The following DLGAP2 variants were observed in gnomAD, a reference collection of about 807,000 sequenced individuals.
DLGAP2 encodes DLG associated protein 2.
A neutral mutation model predicts 100.3 loss-of-function variants in DLGAP2; 26 were observed. The observed-to-expected ratio is 0.26, with a 90% CI of 0.19 to 0.36. The LOEUF (loss-of-function observed/expected upper bound fraction) is 0.36, where lower values mean the gene tolerates loss of function less well. Ranked by LOEUF, DLGAP2 falls within the 10% of genes least tolerant of loss-of-function variation. DLGAP2 has a pLI of 1.00. For synonymous variants in DLGAP2, 886 were observed against 630.1 expected, an observed-to-expected ratio of 1.41 and a Z score of -6.08; for missense variants, 1,858 against 1,453.2, an observed-to-expected ratio of 1.28 and a Z score of -4.53.
chr8:1,434,319 G>A (rs965761043), intron 3 of DLGAP2, among the ~76,000 whole-genome samples: 8 of 152,174 alleles, frequency 5.3e-5, no homozygotes, highest in Non-Finnish European at 8.8e-5. Flanking sequence ...GCTGACAGGA[G>A]ACACCAGGTG....
chr8:1,299,391 C>T (rs1415745216), intron 3 of DLGAP2, among the ~76,000 whole-genome samples: 7 of 152,206 alleles, frequency 4.6e-5, no homozygotes, highest in Admixed American at 2.6e-4. Flanking sequence ...CATGGCCCTT[C>T]TTTCACATGT....
intron 1 of DLGAP2, among the ~76,000 whole-genome samples, chr8:874,532 A>T (rs1797655075): frequency 6.6e-6 from 1 of 152,150 alleles, no homozygotes; most frequent in South Asian, 2.1e-4. Context: ...TCTGTTGTTG[A>T]TTTCTAATTT....
intron 3 of DLGAP2, among the ~76,000 whole-genome samples, chr8:1,477,023 G>T (rs115476263): frequency 0.016 from 2,355 of 147,208 alleles, 53 homozygotes; most frequent in African/African-American, 0.055. Context: ...GTGAAGACAG[G>T]TTTATTCTCA....
At chr8:1,519,609 T>G (rs895111578) in intron 4 of DLGAP2, among the ~76,000 whole-genome samples, 1 of 152,348 alleles carries the variant, frequency 6.6e-6, no homozygotes, top group African/African-American at 2.4e-5. Flanking sequence ...GCTCTCCCCA[T>G]GCACCTTCCC....
chr8:788,347 G>C (rs1193919976), intron 1 of DLGAP2, among the ~76,000 whole-genome samples: 1 of 152,148 alleles, frequency 6.6e-6, no homozygotes, highest in Non-Finnish European at 1.5e-5. Context: ...CACATGGTCT[G>C]GTCGAGGCCT....
Position 940,667 on chromosome 8 carries a change from C to G in DLGAP2, c.73+32701C>G, listed in dbSNP as rs914161816. ...AGGTTTTCAGGACAGTTTGGAAAAC[C>G]AAAGTTCATTGATGCTCTCCCTCTT... On this transcript the variant is annotated intron_variant, in intron 2 of 14. Transcript: ENST00000637795. Among the ~76,000 whole-genome samples, 5 of 152,124 alleles carry G rather than the reference C, an allele frequency of 3.3e-5. No homozygotes were observed. In the South Asian group the frequency reaches 6.2e-4, roughly 19 times the overall value.
chr8:1,691,417 A>T, intron 12 of DLGAP2, 118 bp from the exon 13 acceptor site: 1 of 804,922 alleles, frequency 1.2e-6, no homozygotes, highest in South Asian at 1.7e-5. Context: ...CGGCACGATG[A>T]AGTCGTCAGT....
chr8:1,593,183 G>A (rs933808961), intron 6 of DLGAP2, among the ~76,000 whole-genome samples: 5 of 152,084 alleles, frequency 3.3e-5, no homozygotes, highest in East Asian at 1.9e-4. Context: ...GGCCTGGCGT[G>A]GTGGCTCACT....
Position 1,707,190 on chromosome 8 carries a change from C to A in DLGAP2, c.*5784C>A, listed in dbSNP as rs1799730961. On this transcript the variant is annotated 3_prime_UTR_variant, in exon 15 of 15. Coordinates refer to ENST00000637795, the MANE Select transcript of DLGAP2 (RefSeq NM_001346810.2). ...TGGTGCTTATTCAGAACCTGAAAGC[C>A]TTGGGCATCCAAGCTTTCACCTACT... is the stretch of plus-strand genomic sequence containing the variant. 6.6e-6 allele frequency: 1 copy of A among 152,596 alleles called. No homozygotes were observed. The highest frequency in any genetic ancestry group is 6.5e-5 in the Admixed American group (1 of 15,270). 9.5% of individuals were successfully genotyped at this position (152,596 alleles called of 1,614,324 possible).
chr8:1,522,714 T>A (rs1199142918), intron 4 of DLGAP2, among the ~76,000 whole-genome samples: 2 of 152,144 alleles, frequency 1.3e-5, no homozygotes, highest in African/African-American at 4.8e-5. Context: ...GTTTTCAGGA[T>A]CAGGAGACGG....
At chr8:1,277,947 G>A (rs765341113) in intron 3 of DLGAP2, among the ~76,000 whole-genome samples, 1 of 152,176 alleles carries the variant, frequency 6.6e-6, no homozygotes, top group Non-Finnish European at 1.5e-5. Flanking sequence ...TTCTAGATTG[G>A]GTATTGGTAG....
At chr8:786,306 TCA>T (rs1411460950) in intron 1 of DLGAP2, among the ~76,000 whole-genome samples, 1 of 151,486 alleles carries the variant, frequency 6.6e-6, no homozygotes, top group Admixed American at 6.6e-5. Context: ...GTCCCGGAGG[TCA>T]CCAGGAGCCA....
At chr8:1,126,470 G>C (rs1211439647) in intron 2 of DLGAP2, among the ~76,000 whole-genome samples, 1 of 151,710 alleles carries the variant, frequency 6.6e-6, no homozygotes, top group Non-Finnish European at 1.5e-5. Flanking sequence ...AGATGAGGAG[G>C]GAGGCAAGGC....
intron 3 of DLGAP2, among the ~76,000 whole-genome samples, chr8:1,498,599 G>A (rs535319182): frequency 6.6e-6 from 1 of 152,172 alleles, no homozygotes; most frequent in East Asian, 1.9e-4. Context: ...AGCTCACTGT[G>A]TCTGTGCAGC....
At chr8:1,137,586 A>G (rs1469915563) in intron 2 of DLGAP2, 1 of 152,176 alleles carries the variant, frequency 6.6e-6, no homozygotes, top group Non-Finnish European at 1.5e-5. Context: ...AAAAAAATGC[A>G]TTAGTAAAAC....
At chr8:1,700,707 C>T (rs755391483) in intron 14 of DLGAP2, among the ~76,000 whole-genome samples, 2 of 152,112 alleles carry the variant, frequency 1.3e-5, no homozygotes, top group South Asian at 2.1e-4. Context: ...AGTGTTTCCC[C>T]GCACACCCAT....
intron 2 of DLGAP2, among the ~76,000 whole-genome samples, chr8:1,238,565 CTCCCATGGCGCCGTGTCTAGTTACCTA>C (rs1798717018): frequency 3.3e-5 from 3 of 91,232 alleles, no homozygotes; most frequent in Non-Finnish European, 4.7e-5. Flanking sequence ...GTCTAGTTCT[CTCCCATGGCGCCGTGTCTAGTTACCTA>C]TCACATGGTG....
At chr8:965,024 GCTGCACATGGCACTGTTCACCACACAGA>G (rs1799814913) in intron 2 of DLGAP2, among the ~76,000 whole-genome samples, 3 of 147,204 alleles carry the variant, frequency 2.0e-5, no homozygotes, top group African/African-American at 5.0e-5. Context: ...TGACCCCTGC[GCTGCACATGGCACTGTTCACCACACAGA>G]GCTCCTGAGT....
chr8:1,141,425 G>A (rs1318340431), intron 2 of DLGAP2, among the ~76,000 whole-genome samples: 2 of 152,122 alleles, frequency 1.3e-5, no homozygotes, highest in African/African-American at 2.4e-5. Flanking sequence ...TCACGGGCAC[G>A]TGAATCAGAA....
Sources: allele counts gnomAD v4.1 joint callset (sites outside exome capture counted in the v4.1 genomes callset), GRCh38; gene constraint gnomAD v4.1.1; transcripts MANE v1.5; gene names NCBI Gene and HGNC (gene_info 2026-07-23, HGNC 2026-07-21).